The following NXPE2 variants were observed in gnomAD, a reference collection of about 807,000 sequenced individuals.
NXPE2 encodes the protein NXPE family member 2.
In NXPE2, 34 loss-of-function variants were observed where a neutral mutation model predicts 34.4. The ratio of observed to expected loss-of-function variants is 0.99; its 90% CI spans 0.75 to 1.31. The LOEUF (loss-of-function observed/expected upper bound fraction) is 1.31. Among genes scored for constraint, NXPE2 ranks in the 40% most tolerant of loss-of-function variants. NXPE2 has a pLI of 0.00. For synonymous variants in NXPE2, 235 were observed against 231.3 expected (o/e 1.02, Z -0.15); for missense variants, 649 against 672.5 (o/e 0.97, Z 0.39).
chr11:114,524,128 T>C, the NXPE2 span, among the ~76,000 whole-genome samples: 7 of 152,144 alleles, frequency 4.6e-5, no homozygotes, highest in African/African-American at 1.7e-4. Flanking sequence ...AAAGTTCGGC[T>C]AGTAGTAAGG....
chr11:114,626,057 G>A, the NXPE2 span, among the ~76,000 whole-genome samples: 2 of 152,202 alleles, frequency 1.3e-5, no homozygotes, highest in Admixed American at 6.5e-5. Context: ...TGCTAGCACA[G>A]CAGTCTGAGA....
At chr11:114,689,846 GC>G (rs984917501) in intron 2 of NXPE2, among the ~76,000 whole-genome samples, 13 of 152,040 alleles carry the variant, frequency 8.6e-5, no homozygotes, top group Non-Finnish European at 1.5e-5. Flanking sequence ...ATTATGTCAT[GC>G]CCTTATTTGT....
chr11:114,497,797 A>G, the NXPE2 span, among the ~76,000 whole-genome samples: 1 of 152,230 alleles, frequency 6.6e-6, no homozygotes, highest in African/African-American at 2.4e-5. Context: ...GTTTAAAATA[A>G]TTTATGTCAG....
At chr11:114,632,715 A>T in the NXPE2 span, among the ~76,000 whole-genome samples, 2 of 74,444 alleles carry the variant, frequency 2.7e-5, no homozygotes, top group Admixed American at 5.7e-4. Flanking sequence ...ATATAATATA[A>T]TATATATAAT....
At chr11:114,769,626 C>T in the NXPE2 span, among the ~76,000 whole-genome samples, 2 of 152,100 alleles carry the variant, frequency 1.3e-5, no homozygotes, top group African/African-American at 2.4e-5. Context: ...GAATACTATG[C>T]AGCCATAAAA....
At chr11:114,521,714 A>G in the NXPE2 span, 15 of 412,344 alleles carry the variant, frequency 3.6e-5, no homozygotes, top group African/African-American at 2.4e-4. Context: ...GCTTAATAAC[A>G]TGGCTTTTAA....
chr11:114,708,911 T>A (rs1859555652), downstream of NXPE2, among the ~76,000 whole-genome samples: 1 of 152,196 alleles, frequency 6.6e-6, no homozygotes, highest in Admixed American at 6.5e-5. Flanking sequence ...AGTTTCTAGT[T>A]TTCTTACCTT....
the NXPE2 span, among the ~76,000 whole-genome samples, chr11:114,761,821 G>T: frequency 2.0e-5 from 3 of 151,840 alleles, no homozygotes; most frequent in Non-Finnish European, 4.4e-5. Context: ...TGATCCACCC[G>T]CCTCGGCCTC....
the NXPE2 span, among the ~76,000 whole-genome samples, chr11:114,754,814 C>A: frequency 6.6e-6 from 1 of 152,162 alleles, no homozygotes; most frequent in Non-Finnish European, 1.5e-5. Context: ...TGGATTAACT[C>A]TTTGATTTCT....
At chr11:114,496,973 A>T in the NXPE2 span, among the ~76,000 whole-genome samples, 1 of 152,224 alleles carries the variant, frequency 6.6e-6, no homozygotes, top group Non-Finnish European at 1.5e-5. Flanking sequence ...ATAAACGATT[A>T]TGTTACTGGT....
At chr11:114,723,712 AG>A in the NXPE2 span, among the ~76,000 whole-genome samples, 2 of 151,926 alleles carry the variant, frequency 1.3e-5, no homozygotes, top group African/African-American at 4.8e-5. Context: ...AGCTTTACAA[AG>A]TCTCTGGTGG....
At chr11:114,639,712 T>C in the NXPE2 span, among the ~76,000 whole-genome samples, 1 of 132,240 alleles carries the variant, frequency 7.6e-6, no homozygotes, top group South Asian at 2.3e-4. Flanking sequence ...TATTCTATAA[T>C]ATATAATATA....
At chr11:114,489,806 G>T in the NXPE2 span, among the ~76,000 whole-genome samples, 1 of 152,180 alleles carries the variant, frequency 6.6e-6, no homozygotes, top group Non-Finnish European at 1.5e-5. Context: ...ACAAGACACG[G>T]ATGCCCTCTC....
chr11:114,543,123 A>G, the NXPE2 span, among the ~76,000 whole-genome samples: 1 of 152,106 alleles, frequency 6.6e-6, no homozygotes, highest in African/African-American at 2.4e-5. Context: ...TGGGAGGCTG[A>G]GGCAGGCGGA....
the NXPE2 span, among the ~76,000 whole-genome samples, chr11:114,538,036 A>C: frequency 6.6e-6 from 1 of 152,242 alleles, no homozygotes; most frequent in Non-Finnish European, 1.5e-5. Flanking sequence ...CTATACTACA[A>C]GGCTACAGTA....
At chr11:114,739,015 T>C in the NXPE2 span, among the ~76,000 whole-genome samples, 4 of 152,114 alleles carry the variant, frequency 2.6e-5, no homozygotes, top group African/African-American at 9.7e-5. Flanking sequence ...AACAAGAAAA[T>C]GAAAGTAGAA....
At chr11:114,494,920 T>C in the NXPE2 span, among the ~76,000 whole-genome samples, 1 of 152,226 alleles carries the variant, frequency 6.6e-6, no homozygotes, top group African/African-American at 2.4e-5. Flanking sequence ...ATACTGGCTT[T>C]AGGGCACACC....
At chr11:114,501,048 A>G in the NXPE2 span, among the ~76,000 whole-genome samples, 1 of 152,220 alleles carries the variant, frequency 6.6e-6, no homozygotes, top group Non-Finnish European at 1.5e-5. Context: ...ATCTTTAACG[A>G]CAACTCTAAC....
chr11:114,619,795 T>C, the NXPE2 span, among the ~76,000 whole-genome samples: 1 of 152,098 alleles, frequency 6.6e-6, no homozygotes, highest in Non-Finnish European at 1.5e-5. Flanking sequence ...TAATGCCTCG[T>C]GAGTAACCAC....
Sources: allele counts gnomAD v4.1 joint callset (sites outside exome capture counted in the v4.1 genomes callset), GRCh38; gene constraint gnomAD v4.1.1; transcripts MANE v1.5; gene names NCBI Gene and HGNC (gene_info 2026-07-23, HGNC 2026-07-21).